The following ALG9 variants were observed in gnomAD, a reference collection of about 807,000 sequenced individuals.
ALG9 encodes ALG9 alpha-1,2-mannosyltransferase, also known as alpha-1,2-mannosyltransferase ALG9.
Under a neutral mutation model 81.8 loss-of-function variants are expected in ALG9, and 55 were observed. The ratio of observed to expected loss-of-function variants is 0.67; its 90% CI spans 0.54 to 0.84. The LOEUF (loss-of-function observed/expected upper bound fraction) is 0.84, where lower values mean the gene tolerates loss of function less well. Ranked by LOEUF, ALG9 falls within the 40% of genes least tolerant of loss-of-function variation. The pLI is 0.00. For synonymous variants in ALG9, 278 were observed against 274.3 expected (o/e 1.01, Z -0.13); for missense variants, 629 against 745.0 (o/e 0.84, Z 1.81).
intron 4 of ALG9, chr11:111,864,269 A>G: frequency 8.8e-7 from 1 of 1,133,046 alleles, no homozygotes; most frequent in Non-Finnish European, 1.3e-6. Flanking sequence ...TGGCTCCTCC[A>G]GCGTTGCCGC....
Position 111,868,500 on chromosome 11 carries a change from G to A in ALG9, c.405+102C>T. 3 of 1,417,080 alleles carry A rather than the reference G, an allele frequency of 2.1e-6. No homozygotes were observed. The South Asian group carries it at 4.3e-5, about 21-fold the overall frequency. 87.8% of individuals were successfully genotyped at this position (1,417,080 alleles called of 1,614,324 possible). ...GATAAATGATTCTTCTTCAAAAAAAGTTCCCTTTTAACTTCCAATTCATTT... is the reference window on the plus strand; with the variant it reads ...GATAAATGATTCTTCTTCAAAAAAAATTCCCTTTTAACTTCCAATTCATTT... On this transcript the variant is annotated intron_variant, in intron 3 of 14. Transcript: ENST00000616540.
At chr11:111,807,376 G>C (rs1040392292) in intron 14 of ALG9, among the ~76,000 whole-genome samples, 77 of 152,210 alleles carry the variant, frequency 5.1e-4, no homozygotes, top group Admixed American at 3.9e-3. Flanking sequence ...TGTTCCCTCA[G>C]ATGTCCACAT....
the ALG9 span, among the ~76,000 whole-genome samples, chr11:111,776,137 C>T: frequency 6.6e-6 from 1 of 151,932 alleles, no homozygotes; most frequent in Non-Finnish European, 1.5e-5. Flanking sequence ...GGGAGGATCA[C>T]TTGGCCCAGA....
At chr11:111,820,920 G>GCGCACA (rs72334123) in intron 13 of ALG9, among the ~76,000 whole-genome samples, 2,224 of 146,354 alleles carry the variant, frequency 0.015, 65 homozygotes, top group African/African-American at 0.054. Context: ...AAACACGCGC[G>GCGCACA]CACACACACA....
rs1555157231 is a variant in ALG9, at chr11:111,870,341, C to G, written c.161G>C (p.Trp54Ser). ...GAAAGCAGTAGATCCTTCAGGTGCC[C>G]AGACTTGTCCTGCTTTGTTCCCAGA... ...ELSGNKAGQV[W>S]APEGSTAFKC... The change falls in exon 2 of 15, where the codon TGG (tryptophan) becomes TCG (serine). Residue 54 changes from tryptophan to serine, a missense_variant. Physicochemically the swap from Trp to Ser is radical, Grantham distance 177 (BLOSUM62 -3). Around this residue, in one of 3 missense-constraint regions of ALG9, gnomAD observed 344 missense variants for 390.5 expected, o/e 0.88. Coordinates refer to ENST00000616540, the MANE Select transcript of ALG9 (RefSeq NM_024740.2). 6.3e-7 allele frequency: 1 copy of G among 1,586,430 alleles called. No homozygotes were observed. The highest frequency in any genetic ancestry group is 1.1e-5 in the South Asian group (1 of 88,496).
At chr11:111,808,345 C>T (rs1237689717) in intron 14 of ALG9, among the ~76,000 whole-genome samples, 3 of 152,194 alleles carry the variant, frequency 2.0e-5, no homozygotes, top group African/African-American at 7.2e-5. Context: ...AATGACCTGC[C>T]TGGGCACCTG....
chr11:111,792,295 C>T (rs1261218936), intron 14 of ALG9, among the ~76,000 whole-genome samples: 2 of 152,186 alleles, frequency 1.3e-5, no homozygotes, highest in African/African-American at 4.8e-5. Context: ...GTTTTATCTG[C>T]CAACATGTGC....
the ALG9 span, among the ~76,000 whole-genome samples, chr11:111,772,862 C>CTT: frequency 1.3e-5 from 2 of 152,074 alleles, no homozygotes; most frequent in Non-Finnish European, 2.9e-5. Context: ...TAAAATAGAG[C>CTT]TTTTACCTCT....
the ALG9 span, among the ~76,000 whole-genome samples, chr11:111,769,774 T>C: frequency 1.3e-5 from 2 of 152,164 alleles, no homozygotes; most frequent in African/African-American, 4.8e-5. Context: ...CTAAACTACT[T>C]TGTTTAAAAT....
intron 4 of ALG9, among the ~76,000 whole-genome samples, 164 bp from the exon 5 acceptor site, chr11:111,860,799 A>C (rs1403382355): frequency 6.6e-6 from 1 of 152,244 alleles, no homozygotes; most frequent in African/African-American, 2.4e-5. Flanking sequence ...AAACCCAAAC[A>C]TTCTTATTTC....
intron 13 of ALG9, chr11:111,814,728 G>C (rs1951226300): frequency 1.3e-5 from 2 of 152,140 alleles, no homozygotes; most frequent in Non-Finnish European, 2.9e-5. Context: ...CTCCAGGGGA[G>C]AGAAAGCACA....
intron 14 of ALG9, 103 bp from the exon 15 acceptor site, chr11:111,786,623 T>C: frequency 1.5e-6 from 2 of 1,312,002 alleles, no homozygotes; most frequent in South Asian, 1.3e-5. Flanking sequence ...GTAAGGATTA[T>C]ATTTTATTCA....
chr11:111,832,680 T>C (rs1485244753), intron 13 of ALG9, among the ~76,000 whole-genome samples: 2 of 152,222 alleles, frequency 1.3e-5, no homozygotes, highest in Non-Finnish European at 2.9e-5. Flanking sequence ...CATAACTTTA[T>C]ATCTTATTGT....
chr11:111,793,145 G>C (rs140108067), intron 14 of ALG9, among the ~76,000 whole-genome samples: 1 of 152,160 alleles, frequency 6.6e-6, no homozygotes, highest in Non-Finnish European at 1.5e-5. Flanking sequence ...ACCATTCCCA[G>C]CTAATTTTTT....
intron 13 of ALG9, chr11:111,829,102 T>C (rs1343717997): frequency 1.3e-5 from 2 of 152,182 alleles, no homozygotes; most frequent in African/African-American, 4.8e-5. Context: ...TTTATAAATA[T>C]CTCACACTGC....
intron 11 of ALG9, among the ~76,000 whole-genome samples, chr11:111,838,023 T>C (rs1389951039): frequency 6.6e-6 from 1 of 152,130 alleles, no homozygotes; most frequent in Non-Finnish European, 1.5e-5. Flanking sequence ...ACAACAAAAA[T>C]AGACAAAAAA....
chr11:111,832,636 T>C lies in ALG9; in HGVS notation c.1602+3529A>G, dbSNP rs111954745. Among the ~76,000 whole-genome samples the C allele has an allele frequency of 6.4e-3, 973 of 152,310 alleles. 10 individuals carry two copies. The highest frequency in any genetic ancestry group is 0.022 in the African/African-American group (908 of 41,560). ...TGTGTCCCTAACTCCGTTTTCCCAA[T>C]AAGCTTTGTGGTTTTTACCACATAT... On this transcript the variant is annotated intron_variant, in intron 13 of 14. Transcript: ENST00000616540.
downstream of ALG9, chr11:111,782,106 AG>A (rs1478132146): frequency 6.6e-6 from 1 of 152,256 alleles, no homozygotes; most frequent in African/African-American, 2.4e-5. Flanking sequence ...GGCTGGAGTC[AG>A]GGAGAAAGGA....
intron 14 of ALG9, among the ~76,000 whole-genome samples, chr11:111,796,049 A>T (rs1948236078): frequency 6.6e-6 from 1 of 152,184 alleles, no homozygotes; most frequent in African/African-American, 2.4e-5. Flanking sequence ...TAGAAGGATT[A>T]GGGGTCACAT....
Sources: gnomAD v4.1 joint callset for allele counts (sites outside exome capture counted in the v4.1 genomes callset) on GRCh38, gnomAD v4.1.1 for gene constraint, gnomAD v4.1.1 regional missense constraint, MANE v1.5 for transcripts, NCBI Gene and HGNC (gene_info 2026-07-23, HGNC 2026-07-21) for gene names.